MTUS2: variants seen among roughly 807,000 people sequenced by gnomAD.
MTUS2 encodes the protein microtubule-associated tumor suppressor candidate 2.
A neutral mutation model predicts 114.1 loss-of-function variants in MTUS2; 40 were observed. The observed-to-expected ratio is 0.35, with a 90% CI of 0.27 to 0.46. The LOEUF is 0.46. Among genes scored for constraint, MTUS2 ranks in the 20% least tolerant of loss-of-function variants. MTUS2 has a pLI of 1.00. For synonymous variants in MTUS2, 688 were observed against 672.0 expected, an observed-to-expected ratio of 1.02 and a Z score of -0.37; for missense variants, 1,679 against 1,705.4, an observed-to-expected ratio of 0.98 and a Z score of 0.27.
intron 4 of MTUS2, among the ~76,000 whole-genome samples, chr13:29,098,447 AACACAC>A (rs56898077): frequency 0.67 from 101,655 of 151,336 alleles, 34,841 homozygotes; most frequent in Non-Finnish European, 0.74. Context: ...AAGTCATCTA[AACACAC>A]ACACACACAC....
rs911026123 is a variant in MTUS2 at position 29,503,434 on chromosome 13, C to T, written c.*228C>T. The T allele has an allele frequency of 6.1e-5, 36 of 590,510 alleles. No homozygotes were observed. In the Admixed American group the frequency reaches 1.0e-3, roughly 17 times the overall value. 36.6% of individuals were successfully genotyped at this position (590,510 alleles called of 1,614,324 possible). ...TGCAAACGTTTTACCATAGTTAGAG[C>T]CAAAAGAAAGACACTTGCAATTGTT... On this transcript the variant is annotated 3_prime_UTR_variant, in exon 16 of 16. Transcript: ENST00000612955.
At chr13:28,896,108 A>C (rs912006257) in intron 2 of MTUS2, among the ~76,000 whole-genome samples, 1 of 152,224 alleles carries the variant, frequency 6.6e-6, no homozygotes, top group East Asian at 1.9e-4. Context: ...GATAATAAAT[A>C]ATACAAGATG....
At chr13:28,900,809 T>C (rs1490430040) in intron 2 of MTUS2, among the ~76,000 whole-genome samples, 1 of 152,248 alleles carries the variant, frequency 6.6e-6, no homozygotes, top group Non-Finnish European at 1.5e-5. Context: ...GAGTTCAGCA[T>C]ATGAATCTGG....
intron 2 of MTUS2, among the ~76,000 whole-genome samples, chr13:28,882,150 C>A (rs1036669427): frequency 1.3e-5 from 2 of 152,004 alleles, no homozygotes; most frequent in African/African-American, 4.8e-5. Flanking sequence ...ACCTCTGCCC[C>A]CTAGGTTCAA....
intron 9 of MTUS2, among the ~76,000 whole-genome samples, chr13:29,457,141 C>CAA (rs771743973): frequency 3.3e-5 from 3 of 89,684 alleles, no homozygotes; most frequent in African/African-American, 3.8e-5. Flanking sequence ...AGACTCCATT[C>CAA]AAAAAAAAAA....
At chr13:29,410,127 CTTTT>C (rs35822838) in intron 8 of MTUS2, among the ~76,000 whole-genome samples, 1 of 146,560 alleles carries the variant, frequency 6.8e-6, no homozygotes. Flanking sequence ...TGCTGTTGTA[CTTTT>C]TTTTTTTTTT....
intron 4 of MTUS2, among the ~76,000 whole-genome samples, chr13:29,059,499 C>T (rs1888309532): frequency 6.6e-6 from 1 of 152,152 alleles, no homozygotes; most frequent in Admixed American, 6.5e-5. Context: ...GTTGCATCTG[C>T]CCACAGAGTT....
At chr13:28,908,459 A>G (rs1373673047) in intron 2 of MTUS2, among the ~76,000 whole-genome samples, 2 of 151,516 alleles carry the variant, frequency 1.3e-5, no homozygotes, top group Non-Finnish European at 2.9e-5. Flanking sequence ...TGTCCCTACA[A>G]AGGACATGAA....
At chr13:29,437,878 G>C (rs998593762) in intron 8 of MTUS2, among the ~76,000 whole-genome samples, 4 of 151,636 alleles carry the variant, frequency 2.6e-5, no homozygotes, top group Admixed American at 2.6e-4. Flanking sequence ...AGCCTGGGAG[G>C]TAGAGGTTGC....
chr13:28,910,396 A>G (rs904799938), intron 2 of MTUS2, among the ~76,000 whole-genome samples: 8 of 151,754 alleles, frequency 5.3e-5, no homozygotes. Flanking sequence ...CCACCTTTTA[A>G]GTTCCAGGGA....
At chr13:29,209,613 G>A (rs1037007778) in intron 5 of MTUS2, among the ~76,000 whole-genome samples, 7 of 151,936 alleles carry the variant, frequency 4.6e-5, no homozygotes, top group Admixed American at 2.0e-4. Context: ...AGGAGATCTT[G>A]TAGTGCTGGC....
Position 29,058,283 on chromosome 13 carries a change from A to T in MTUS2, c.2446+24158A>T, listed in dbSNP as rs538844253. ...GGATGGTCATCTTGTATAGTGTCTT[A>T]CGAGGGTTCTCTGAATTTCCTGAAT... On this transcript the variant is annotated intron_variant, in intron 4 of 15. Transcript: ENST00000612955. Among the ~76,000 whole-genome samples, 37 of 150,010 alleles carry T rather than the reference A, an allele frequency of 2.5e-4. No individual in the cohort carries two copies. In the South Asian group the frequency reaches 7.2e-3, roughly 29 times the overall value.
chr13:29,081,765 TTTTTGTTTTGTTTTG>T (rs149537375), intron 4 of MTUS2, among the ~76,000 whole-genome samples: 1 of 151,372 alleles, frequency 6.6e-6, no homozygotes, highest in East Asian at 2.0e-4. Flanking sequence ...GGTTTGGTTA[TTTTTGTTTTGTTTTG>T]TTTTGTTTTG....
chr13:29,357,172 C>CATGATGATGATG lies in MTUS2; in HGVS notation c.2906-2075_2906-2064dup, dbSNP rs55637032. Among the ~76,000 whole-genome samples the CATGATGATGATG allele has an allele frequency of 6.0e-4, 91 of 150,910 alleles. 1 individual carries two copies. The highest frequency in any genetic ancestry group is 1.1e-3 in the Non-Finnish European group (71 of 67,614). ...ATTTACCATTGAGTATAATTTCTAACATGATGATGATGATGATGATGATGA... is the reference window on the plus strand; with the variant it reads ...ATTTACCATTGAGTATAATTTCTAACATGATGATGATGATGATGATGATGATGATGATGATGA... On this transcript the variant is annotated intron_variant, in intron 7 of 15. Transcript: ENST00000612955.
chr13:29,127,080 T>A (rs1167707823), intron 5 of MTUS2, among the ~76,000 whole-genome samples: 1 of 152,230 alleles, frequency 6.6e-6, no homozygotes, highest in African/African-American at 2.4e-5. Flanking sequence ...CTTGCTCACC[T>A]GCTCCTGGCC....
intron 8 of MTUS2, among the ~76,000 whole-genome samples, chr13:29,411,466 T>G (rs1875234202): frequency 1.3e-5 from 2 of 152,212 alleles, no homozygotes; most frequent in Non-Finnish European, 2.9e-5. Flanking sequence ...TTGTTTTAAT[T>G]ATAGAGGCTT....
chr13:28,843,594 A>G (rs1875655364), intron 2 of MTUS2, among the ~76,000 whole-genome samples: 1 of 152,214 alleles, frequency 6.6e-6, no homozygotes, highest in African/African-American at 2.4e-5. Flanking sequence ...GATTCAGTAA[A>G]TGTCACATGG....
At chr13:29,375,912 G>C (rs1262122780) in intron 8 of MTUS2, among the ~76,000 whole-genome samples, 2 of 151,262 alleles carry the variant, frequency 1.3e-5, no homozygotes. Context: ...TCAGGTGATG[G>C]GTGCACCAAA....
intron 6 of MTUS2, among the ~76,000 whole-genome samples, chr13:29,323,954 A>G (rs1411574514): frequency 1.3e-5 from 2 of 152,222 alleles, no homozygotes; most frequent in African/African-American, 2.4e-5. Flanking sequence ...CGTGACGTGA[A>G]GGTGAGCACT....
Sources: allele counts gnomAD v4.1 joint callset (sites outside exome capture counted in the v4.1 genomes callset), GRCh38; gene constraint gnomAD v4.1.1; transcripts MANE v1.5; gene names NCBI Gene and HGNC (gene_info 2026-07-23, HGNC 2026-07-21).